DEPTOR: variants seen among roughly 807,000 people sequenced by gnomAD.
DEPTOR encodes DEP domain-containing mTOR-interacting protein.
A neutral mutation model predicts 41.6 loss-of-function variants in DEPTOR; 41 were observed. The ratio of observed to expected loss-of-function variants is 0.98; its 90% CI spans 0.77 to 1.28. The LOEUF (loss-of-function observed/expected upper bound fraction) is 1.28. DEPTOR is among the 50% of genes most tolerant of loss of function. The probability of loss-of-function intolerance (pLI) is 0.00; values close to 1 mark genes in which losing one functional copy is unlikely to be tolerated. For missense variants in DEPTOR, 514 were observed against 527.9 expected (o/e 0.97, Z 0.26); for synonymous variants, 195 against 192.3 (o/e 1.01, Z -0.12).
chr8:120,006,490 C>G (rs1209424430), intron 6 of DEPTOR, among the ~76,000 whole-genome samples: 1 of 151,774 alleles, frequency 6.6e-6, no homozygotes, highest in Admixed American at 6.6e-5. Context: ...CATCATTGCA[C>G]TCCATCCTGG....
intron 3 of DEPTOR, among the ~76,000 whole-genome samples, chr8:119,933,423 T>TTCAAGCC (rs1404487618): frequency 6.9e-5 from 10 of 143,966 alleles, no homozygotes. Flanking sequence ...ACCTGGGAAG[T>TTCAAGCC]TCAAGCCCCC....
At chr8:119,931,763 G>A (rs1263085800) in intron 3 of DEPTOR, among the ~76,000 whole-genome samples, 2 of 152,076 alleles carry the variant, frequency 1.3e-5, no homozygotes, top group Non-Finnish European at 2.9e-5. Context: ...ACTTGAACAT[G>A]TGCATTTGTT....
intron 3 of DEPTOR, 40 bp downstream of exon 3, chr8:119,929,978 T>G: frequency 6.3e-7 from 1 of 1,591,292 alleles, no homozygotes; most frequent in Non-Finnish European, 8.6e-7. Flanking sequence ...TCTTGACTTA[T>G]AGAAAGAAGC....
At chr8:119,892,370 T>A (rs1272565638) in intron 1 of DEPTOR, among the ~76,000 whole-genome samples, 2 of 152,238 alleles carry the variant, frequency 1.3e-5, no homozygotes, top group African/African-American at 4.8e-5. Flanking sequence ...TATACCTCAG[T>A]ATATCATTGC....
intron 3 of DEPTOR, among the ~76,000 whole-genome samples, chr8:119,951,648 A>G (rs888793944): frequency 6.6e-5 from 10 of 152,230 alleles, no homozygotes. Flanking sequence ...CCAAAAACAA[A>G]TAACACCCTC....
chr8:119,922,503 T>G (rs1278493110), intron 1 of DEPTOR, among the ~76,000 whole-genome samples: 1 of 152,232 alleles, frequency 6.6e-6, no homozygotes, highest in African/African-American at 2.4e-5. Context: ...TCGTTGTCAC[T>G]GAATTAATTA....
At chr8:119,942,030 G>C (rs922283384) in intron 3 of DEPTOR, among the ~76,000 whole-genome samples, 2 of 152,048 alleles carry the variant, frequency 1.3e-5, no homozygotes, top group African/African-American at 4.8e-5. Flanking sequence ...CCTTCTTACC[G>C]TTTCTTTGTA....
chr8:119,885,183 T>G lies in DEPTOR; in HGVS notation c.122+11215T>G, dbSNP rs182355134. Among the ~76,000 whole-genome samples the G allele has an allele frequency of 3.2e-3, 492 of 152,298 alleles. 5 individuals are homozygous for G. Among genetic ancestry groups the G allele is most frequent in the African/African-American group, 0.011 (473 of 41,558 alleles). On this transcript the variant is annotated intron_variant, in intron 1 of 8. Coordinates refer to ENST00000286234, the MANE Select transcript of DEPTOR (RefSeq NM_022783.4). Reference sequence around the variant, plus strand: ...TGAATTTTTTTTAAAGCGCTACTTATTTTTTCTCTTTAACTTTTCTATATA... The same window carrying G: ...TGAATTTTTTTTAAAGCGCTACTTAGTTTTTCTCTTTAACTTTTCTATATA...
intron 1 of DEPTOR, among the ~76,000 whole-genome samples, chr8:119,894,317 C>T (rs375750744): frequency 2.6e-5 from 4 of 152,252 alleles, no homozygotes; most frequent in South Asian, 4.1e-4. Context: ...CCTCCCACGT[C>T]GGCCTCCCAA....
chr8:119,902,179 C>T (rs749490912), intron 1 of DEPTOR, among the ~76,000 whole-genome samples: 5 of 152,102 alleles, frequency 3.3e-5, no homozygotes, highest in African/African-American at 4.8e-5. Flanking sequence ...TACTTCCTTG[C>T]TCAATGTTGT....
intron 3 of DEPTOR, among the ~76,000 whole-genome samples, chr8:119,956,716 C>A (rs1322918860): frequency 1.1e-4 from 14 of 124,084 alleles, no homozygotes; most frequent in South Asian, 2.6e-4. Flanking sequence ...TTTTAAGAGA[C>A]AGGGTTTTTT....
intron 8 of DEPTOR, among the ~76,000 whole-genome samples, chr8:120,034,744 C>T (rs1278343206): frequency 1.3e-5 from 2 of 152,074 alleles, no homozygotes; most frequent in Non-Finnish European, 1.5e-5. Flanking sequence ...GTCACTGTGC[C>T]TGGCTATGAT....
intron 8 of DEPTOR, among the ~76,000 whole-genome samples, chr8:120,030,510 T>G (rs1431040134): frequency 7.8e-6 from 1 of 128,102 alleles, no homozygotes; most frequent in African/African-American, 2.8e-5. Context: ...TTTTTTTTTT[T>G]TTTTTTTTTT....
chr8:120,036,944 A>G (rs900898874), intron 8 of DEPTOR, among the ~76,000 whole-genome samples: 2 of 152,212 alleles, frequency 1.3e-5, no homozygotes, highest in Non-Finnish European at 2.9e-5. Context: ...AGGTTCTCTT[A>G]GATTGAAGCA....
At chr8:120,041,290 T>C (rs1014460424) in intron 8 of DEPTOR, among the ~76,000 whole-genome samples, 5 of 152,202 alleles carry the variant, frequency 3.3e-5, no homozygotes, top group African/African-American at 1.2e-4. Flanking sequence ...CGCCAGCCTA[T>C]AAGAACAAAT....
intron 1 of DEPTOR, among the ~76,000 whole-genome samples, chr8:119,882,384 CT>C (rs1425074081): frequency 3.1e-4 from 47 of 151,666 alleles, no homozygotes; most frequent in East Asian, 1.9e-4. Context: ...TGTTTTATAT[CT>C]TTTTTTATTA....
At chr8:119,946,450 T>A (rs960310771) in intron 3 of DEPTOR, among the ~76,000 whole-genome samples, 1 of 151,294 alleles carries the variant, frequency 6.6e-6, no homozygotes, top group Non-Finnish European at 1.5e-5. Flanking sequence ...TTTTTTTTAA[T>A]GTTCTCTGAG....
chr8:119,959,214 G>A (rs1433804931), intron 3 of DEPTOR, among the ~76,000 whole-genome samples: 1 of 145,046 alleles, frequency 6.9e-6, no homozygotes, highest in African/African-American at 2.6e-5. Flanking sequence ...CCAGGCTGGA[G>A]GGAAGTGGCG....
intron 8 of DEPTOR, among the ~76,000 whole-genome samples, chr8:120,041,836 G>A (rs1026044031): frequency 2.6e-5 from 4 of 152,096 alleles, no homozygotes; most frequent in South Asian, 2.1e-4. Context: ...TGCACCCAGC[G>A]GTTCTTAGAA....
Sources: allele counts gnomAD v4.1 joint callset (sites outside exome capture counted in the v4.1 genomes callset), GRCh38; gene constraint gnomAD v4.1.1; transcripts MANE v1.5; gene names NCBI Gene and HGNC (gene_info 2026-07-23, HGNC 2026-07-21).